Variants in ESR1 observed in about 807,000 individuals in gnomAD.
The protein encoded by ESR1 is estrogen receptor.
A neutral mutation model predicts 52.7 loss-of-function variants in ESR1; 12 were observed. The observed-to-expected ratio is 0.23, with a 90% confidence interval of 0.15 to 0.37. The LOEUF (loss-of-function observed/expected upper bound fraction) is 0.37. Among genes scored for constraint, ESR1 ranks in the 10% least tolerant of loss-of-function variants. The pLI is 1.00. For missense variants in ESR1, 584 were observed against 779.7 expected (o/e 0.75, Z 2.99); for synonymous variants, 305 against 316.8 (o/e 0.96, Z 0.39).
intron 1 of ESR1, among the ~76,000 whole-genome samples, chr6:151,678,348 C>T (rs1039567085): frequency 6.6e-6 from 1 of 151,954 alleles, no homozygotes; most frequent in Non-Finnish European, 1.5e-5. Flanking sequence ...TGGTACACGC[C>T]TATAATCCCA....
At chr6:151,756,837 A>C (rs568114448) in intron 2 of ESR1, among the ~76,000 whole-genome samples, 54 of 152,186 alleles carry the variant, frequency 3.5e-4, no homozygotes, top group African/African-American at 1.3e-3. Flanking sequence ...TAAAAATACA[A>C]AAATTAGCTG....
intron 6 of ESR1, among the ~76,000 whole-genome samples, chr6:152,090,851 G>A (rs9478289): frequency 4.0e-4 from 61 of 152,228 alleles, no homozygotes; most frequent in African/African-American, 1.3e-3. Context: ...GTACCACTCC[G>A]TTTCCCCAGA....
chr6:151,729,597 C>G (rs1382288829), intron 2 of ESR1, among the ~76,000 whole-genome samples: 2 of 152,094 alleles, frequency 1.3e-5, no homozygotes, highest in Non-Finnish European at 2.9e-5. Context: ...TTGAGCCCTG[C>G]CATGTGCTAG....
upstream of ESR1, among the ~76,000 whole-genome samples, chr6:151,688,141 A>G (rs1778761456): frequency 6.6e-6 from 1 of 152,268 alleles, no homozygotes; most frequent in South Asian, 2.1e-4. Context: ...GTATTGGTCC[A>G]AGCACACATT....
At chr6:151,952,849 A>G (rs2036470613) in intron 4 of ESR1, among the ~76,000 whole-genome samples, 1 of 152,234 alleles carries the variant, frequency 6.6e-6, no homozygotes, top group Non-Finnish European at 1.5e-5. Flanking sequence ...TGCTTAAGCA[A>G]TGAACTTGTT....
exon 7 of ESR1, chr6:152,125,879 C>T (rs2053235500): frequency 6.6e-6 from 1 of 152,178 alleles, no homozygotes; most frequent in Non-Finnish European, 1.5e-5. Context: ...AAATGGCAAA[C>T]CATTGAATCA....
intron 1 of ESR1, among the ~76,000 whole-genome samples, chr6:151,681,648 G>T (rs1243700340): frequency 6.6e-6 from 1 of 152,178 alleles, no homozygotes. Context: ...TTCCCGTCCT[G>T]GTTGAAATGA....
At chr6:152,008,703 G>T (rs1367954061) in intron 4 of ESR1, among the ~76,000 whole-genome samples, 1 of 151,870 alleles carries the variant, frequency 6.6e-6, no homozygotes, top group Non-Finnish European at 1.5e-5. Flanking sequence ...TTTATTTAGG[G>T]TGTTAGATAA....
intron 4 of ESR1, among the ~76,000 whole-genome samples, chr6:151,956,789 C>A (rs1191093807): frequency 2.1e-5 from 3 of 144,124 alleles, no homozygotes; most frequent in Non-Finnish European, 3.0e-5. Context: ...TGTCTGTATA[C>A]ATACATATAT....
At chr6:151,711,210 C>A (rs1180673640) in intron 2 of ESR1, among the ~76,000 whole-genome samples, 24 of 151,408 alleles carry the variant, frequency 1.6e-4, no homozygotes, top group Admixed American at 1.3e-3. Flanking sequence ...TCCCCAGCAT[C>A]TGTTGTTTCC....
intron 3 of ESR1, 84 bp from the exon 4 acceptor site, chr6:151,944,089 A>T: frequency 8.7e-7 from 1 of 1,155,208 alleles, no homozygotes; most frequent in Admixed American, 2.0e-5. Context: ...ATAAAATGAA[A>T]GCTGGTTAGC....
At chr6:151,882,020 G>T (rs1190850781) in intron 3 of ESR1, among the ~76,000 whole-genome samples, 2 of 152,144 alleles carry the variant, frequency 1.3e-5, no homozygotes, top group Non-Finnish European at 2.9e-5. Flanking sequence ...ATAGGGAAAA[G>T]CCCGTTTCTT....
At chr6:152,039,066 A>G (rs1021364237) in intron 5 of ESR1, among the ~76,000 whole-genome samples, 4 of 152,232 alleles carry the variant, frequency 2.6e-5, no homozygotes, top group African/African-American at 9.7e-5. Flanking sequence ...ACTCATGACA[A>G]TTACAGTAAC....
At chr6:151,983,397 T>C (rs2040171510) in intron 4 of ESR1, 1 of 152,168 alleles carries the variant, frequency 6.6e-6, no homozygotes, top group African/African-American at 2.4e-5. Flanking sequence ...GAGACATAGT[T>C]CCTGAGCTCA....
intron 2 of ESR1, among the ~76,000 whole-genome samples, chr6:151,760,600 G>T (rs562763628): frequency 2.0e-4 from 30 of 152,242 alleles, no homozygotes; most frequent in Non-Finnish European, 3.7e-4. Flanking sequence ...TGTGGAATTT[G>T]CAGATAGGCT....
chr6:152,124,224 T>C (rs2052527335), intron 6 of ESR1, among the ~76,000 whole-genome samples: 3 of 152,262 alleles, frequency 2.0e-5, no homozygotes, highest in Admixed American at 2.0e-4. Flanking sequence ...GAGAATCGCT[T>C]GAACCCGGGA....
chr6:152,027,611 G>A (rs892712325), intron 5 of ESR1, among the ~76,000 whole-genome samples: 4 of 152,048 alleles, frequency 2.6e-5, no homozygotes, highest in African/African-American at 7.2e-5. Flanking sequence ...TCATTATTTT[G>A]TAGTATAAAA....
chr6:151,819,958 G>T (rs1174140253), intron 1 of ESR1, among the ~76,000 whole-genome samples: 4 of 152,214 alleles, frequency 2.6e-5, no homozygotes, highest in Non-Finnish European at 5.9e-5. Context: ...GGTGGTAGGT[G>T]CAGAGATTGG....
At chr6:152,128,138 G>A (rs2054171728) in exon 7 of ESR1, 1 of 152,180 alleles carries the variant, frequency 6.6e-6, no homozygotes, top group Non-Finnish European at 1.5e-5. Context: ...GTAGTGTTTT[G>A]AAGAATTAAT....
Sources: allele counts gnomAD v4.1 joint callset (sites outside exome capture counted in the v4.1 genomes callset), GRCh38; gene constraint gnomAD v4.1.1; transcripts MANE v1.5; gene names NCBI Gene and HGNC (gene_info 2026-07-23, HGNC 2026-07-21).